PTP4A3: variants seen among roughly 807,000 people sequenced by gnomAD.
The protein encoded by PTP4A3 is protein tyrosine phosphatase 4A3.
Under a neutral mutation model 15.2 loss-of-function variants are expected in PTP4A3, and 9 were observed. That is an observed-to-expected ratio of 0.59 (90% CI 0.36 to 1.03). The LOEUF (loss-of-function observed/expected upper bound fraction) is 1.03, where lower values mean the gene tolerates loss of function less well. Ranked by LOEUF, PTP4A3 falls within the 50% of genes least tolerant of loss-of-function variation. The pLI is 0.02. For missense variants in PTP4A3, 234 were observed against 252.1 expected, an observed-to-expected ratio of 0.93 and a Z score of 0.49; for synonymous variants, 95 against 102.0, an observed-to-expected ratio of 0.93 and a Z score of 0.41.
In PTP4A3 at chr8:141,422,364, G is replaced by T. The variant is rs369508086; in HGVS notation, c.105+19G>T. ...CATTGAGGTGAGTGGAGACGGAGGT[G>T]TGGCAGGCAGGTGGCCCAGGTGTCT... On this transcript the variant is annotated intron_variant, in intron 2 of 5. Transcript: ENST00000521578. 48 of 1,612,836 alleles carry T rather than the reference G, an allele frequency of 3.0e-5. No individual in the cohort carries two copies. In the East Asian group the frequency reaches 1.0e-3, roughly 35 times the overall value.
chr8:141,412,360 G>A (rs1040091419), intron 1 of PTP4A3, among the ~76,000 whole-genome samples: 3 of 152,232 alleles, frequency 2.0e-5, no homozygotes, highest in African/African-American at 7.2e-5. Flanking sequence ...GGGTGGCTGG[G>A]TGGGCGTGAG....
chr8:141,424,745 G>C (rs12541005), intron 2 of PTP4A3, among the ~76,000 whole-genome samples: 75,935 of 151,804 alleles, frequency 0.5, 19,231 homozygotes, highest in African/African-American at 0.56. Context: ...CAGGCTCTTC[G>C]ACAGCCAGAC....
chr8:141,422,089 G>A lies in PTP4A3; in HGVS notation c.-152G>A, dbSNP rs1296781928. The A allele has an allele frequency of 7.5e-6, 5 of 666,926 alleles. No homozygotes were observed. The highest frequency in any genetic ancestry group is 1.8e-5 in the African/African-American group (1 of 55,160). 41.3% of individuals were successfully genotyped at this position (666,926 alleles called of 1,614,324 possible). A position where few individuals can be genotyped will look rare whatever the true frequency, so the allele number is the denominator to read the frequency against. On this transcript the variant is annotated 5_prime_UTR_variant, in exon 2 of 6. Coordinates refer to ENST00000521578, the MANE Select transcript of PTP4A3 (RefSeq NM_032611.3). The stretch of plus-strand genomic sequence containing the variant: ...AGTATTTGCACAATATTTGTGCGGG[G>A]TATGGGGGTGGGTTTTTAAATCTCG...
At chr8:141,417,418 G>A (rs984349943) in intron 1 of PTP4A3, among the ~76,000 whole-genome samples, 2 of 152,142 alleles carry the variant, frequency 1.3e-5, no homozygotes, top group Non-Finnish European at 2.9e-5. Flanking sequence ...GGCTGGGCAG[G>A]GGGTCTGAAC....
chr8:141,427,204 G>C, intron 4 of PTP4A3, 135 bp downstream of exon 4: 1 of 1,301,140 alleles, frequency 7.7e-7, no homozygotes, highest in Non-Finnish European at 1.0e-6. Flanking sequence ...CCCTAGTGCT[G>C]GGGCTCCCAG....
intron 1 of PTP4A3, among the ~76,000 whole-genome samples, chr8:141,413,410 C>T (rs753980772): frequency 1.3e-5 from 2 of 152,218 alleles, no homozygotes; most frequent in Admixed American, 6.5e-5. Context: ...GCAGCAGGAC[C>T]GTGGGCATGC....
chr8:141,412,796 A>C (rs976257109), intron 1 of PTP4A3, among the ~76,000 whole-genome samples: 1 of 152,210 alleles, frequency 6.6e-6, no homozygotes, highest in South Asian at 2.1e-4. Flanking sequence ...TGGGTTCATA[A>C]TTCTCATGTT....
chr8:141,430,062 G>A (rs1833777334), intron 5 of PTP4A3, among the ~76,000 whole-genome samples: 1 of 130,182 alleles, frequency 7.7e-6, no homozygotes, highest in African/African-American at 3.3e-5. Flanking sequence ...GACAGGGTGA[G>A]CGCACAGTCC....
chr8:141,426,994 T>G lies in PTP4A3; in HGVS notation c.254T>G (p.Leu85Arg). The G allele has an allele frequency of 6.2e-7, 1 of 1,607,480 alleles. No individual in the cohort carries two copies. Among genetic ancestry groups the G allele is most frequent in the Non-Finnish European group, 8.5e-7 (1 of 1,179,846 alleles). Residue 85 changes from leucine (L) to arginine (R), a missense_variant, in exon 4 of 6, where the codon CTG becomes CGG. By Grantham distance (102) the Leu-to-Arg change is moderately radical. Coordinates refer to ENST00000521578, the MANE Select transcript of PTP4A3 (RefSeq NM_032611.3). ...CCCGGCAAGGTAGTGGAAGACTGGC[T>G]GAGCCTGGTGAAGGCCAAGTTCTGT... Reference protein sequence around the residue: ...PPPGKVVEDWLSLVKAKFCEA... With the variant: ...PPPGKVVEDWRSLVKAKFCEA...
At chr8:141,424,343 A>G (rs1563738115) in intron 2 of PTP4A3, among the ~76,000 whole-genome samples, 1 of 152,036 alleles carries the variant, frequency 6.6e-6, no homozygotes, top group Admixed American at 6.5e-5. Context: ...GTGAACTACC[A>G]CCACCTTTTC....
At chr8:141,404,884 C>T (rs1361661040) in intron 1 of PTP4A3, among the ~76,000 whole-genome samples, 2 of 152,208 alleles carry the variant, frequency 1.3e-5, no homozygotes, top group East Asian at 3.9e-4. Flanking sequence ...TGGAGCAGCG[C>T]CTGGCACTCA....
chr8:141,409,871 G>A (rs1046980974), intron 1 of PTP4A3, among the ~76,000 whole-genome samples: 2 of 152,216 alleles, frequency 1.3e-5, no homozygotes, highest in African/African-American at 4.8e-5. Flanking sequence ...CGGTGCCTGC[G>A]GGGGCCCACT....
At chr8:141,428,027 C>G (rs1257789191) in intron 5 of PTP4A3, among the ~76,000 whole-genome samples, 1 of 152,078 alleles carries the variant, frequency 6.6e-6, no homozygotes, top group East Asian at 1.9e-4. Flanking sequence ...GACCATGCAG[C>G]CACACAGGGA....
At chr8:141,396,061 A>AC (rs143560977) in intron 1 of PTP4A3, among the ~76,000 whole-genome samples, 1 of 151,830 alleles carries the variant, frequency 6.6e-6, no homozygotes, top group Non-Finnish European at 1.5e-5. Context: ...CTGATGTGTA[A>AC]CCCCCACCCC....
intron 2 of PTP4A3, among the ~76,000 whole-genome samples, chr8:141,422,677 G>A (rs988718929): frequency 7.2e-5 from 11 of 152,204 alleles, no homozygotes; most frequent in African/African-American, 1.9e-4. Context: ...GTGCTCAGCC[G>A]TGGCCTGGGC....
At chr8:141,397,152 CTG>C (rs1832472186) in intron 1 of PTP4A3, among the ~76,000 whole-genome samples, 2 of 152,234 alleles carry the variant, frequency 1.3e-5, no homozygotes, top group African/African-American at 4.8e-5. Flanking sequence ...GGAGTGAGAG[CTG>C]TGTTACACGC....
chr8:141,415,777 T>TGGGGAGAGGGTGTGGGGTGGGGG (rs1833026640), intron 1 of PTP4A3, among the ~76,000 whole-genome samples: 1 of 32,562 alleles, frequency 3.1e-5, no homozygotes, highest in African/African-American at 1.2e-4. Flanking sequence ...TGGGGTGGGG[T>TGGGGAGAGGGTGTGGGGTGGGGG]GGGGAGAGGG....
chr8:141,431,673 C>A lies in PTP4A3; in HGVS notation c.*629C>A, dbSNP rs1363418025. ...CTGGTGGCCGCTCTGGGTCCTTGCA[C>A]CCCGACCCAGGGGCCAGCCTGCCCT... is the stretch of plus-strand genomic sequence containing the variant. On this transcript the variant is annotated 3_prime_UTR_variant, in exon 6 of 6. Coordinates refer to ENST00000521578, the MANE Select transcript of PTP4A3 (RefSeq NM_032611.3). The A allele has an allele frequency of 6.6e-6, 1 of 152,572 alleles. No individual in the cohort carries two copies. Among genetic ancestry groups the A allele is most frequent in the Non-Finnish European group, 1.5e-5 (1 of 68,346 alleles). 9.5% of individuals were successfully genotyped at this position (152,572 alleles called of 1,614,324 possible).
intron 5 of PTP4A3, among the ~76,000 whole-genome samples, chr8:141,429,666 A>G (rs1260756056): frequency 0.012 from 549 of 47,648 alleles, 78 homozygotes; most frequent in East Asian, 0.019. Flanking sequence ...CACACAGTCC[A>G]GTCCCCGCTG....
Sources: allele counts gnomAD v4.1 joint callset (sites outside exome capture counted in the v4.1 genomes callset), GRCh38; gene constraint gnomAD v4.1.1; transcripts MANE v1.5; gene names NCBI Gene and HGNC (gene_info 2026-07-23, HGNC 2026-07-21).